SLC7A11: variants seen among roughly 807,000 people sequenced by gnomAD.
SLC7A11 encodes the protein solute carrier family 7 member 11.
SLC7A11 carries 35 observed loss-of-function variants against 54.5 expected under a neutral mutation model. The observed-to-expected ratio is 0.64, with a 90% CI of 0.49 to 0.85. The LOEUF (loss-of-function observed/expected upper bound fraction) is 0.85. Ranked by LOEUF, SLC7A11 falls within the 40% of genes least tolerant of loss-of-function variation. The pLI, the probability that SLC7A11 is intolerant of heterozygous loss-of-function variation, is 0.00. For synonymous variants in SLC7A11, 230 were observed against 225.2 expected, an observed-to-expected ratio of 1.02 and a Z score of -0.19; for missense variants, 583 against 618.1, an observed-to-expected ratio of 0.94 and a Z score of 0.60.
intron 6 of SLC7A11, among the ~76,000 whole-genome samples, chr4:138,187,883 G>A (rs2148417210): frequency 6.6e-6 from 1 of 151,984 alleles, no homozygotes; most frequent in Middle Eastern, 3.4e-3. Flanking sequence ...AGAGAAGGAG[G>A]GAAGGTAACC....
intron 11 of SLC7A11, among the ~76,000 whole-genome samples, chr4:138,174,922 A>T (rs1166434558): frequency 1.3e-5 from 2 of 152,202 alleles, no homozygotes; most frequent in African/African-American, 2.4e-5. Flanking sequence ...CCTGGTACCA[A>T]TATGGGAACT....
chr4:138,195,937 C>T (rs1020720328), intron 6 of SLC7A11, among the ~76,000 whole-genome samples: 1 of 151,916 alleles, frequency 6.6e-6, no homozygotes, highest in African/African-American at 2.4e-5. Flanking sequence ...CTTCTTTGGC[C>T]TCTTTTGTTG....
In SLC7A11 at chr4:138,167,691, T is replaced by G. The variant is rs1736302610; in HGVS notation, c.*4265A>C. The G allele has an allele frequency of 6.6e-6, 1 of 152,208 alleles. No homozygotes were observed. The highest frequency in any genetic ancestry group is 6.5e-5 in the Admixed American group (1 of 15,278). The allele number at this position is 152,208 out of a possible 1,614,324, so 9.4% of individuals were successfully genotyped here. ...ACTATGAGCTTCTTCCCAGTTGTTA[T>G]ACAATGCCATATTTTAATTCCTGAC... On this transcript the variant is annotated 3_prime_UTR_variant, in exon 12 of 12. Coordinates refer to ENST00000280612, the MANE Select transcript of SLC7A11 (RefSeq NM_014331.4).
chr4:138,239,561 C>A (rs1407274039), intron 1 of SLC7A11, among the ~76,000 whole-genome samples: 2 of 152,128 alleles, frequency 1.3e-5, no homozygotes, highest in Non-Finnish European at 2.9e-5. Flanking sequence ...GTGACAAATG[C>A]AATGCAAATA....
chr4:138,220,455 T>TG (rs1029358405), intron 4 of SLC7A11, among the ~76,000 whole-genome samples: 17 of 131,690 alleles, frequency 1.3e-4, no homozygotes, highest in Non-Finnish European at 2.8e-4. Context: ...GAGAATGACA[T>TG]GTTTTTTTTC....
chr4:138,241,937 T>G lies in SLC7A11; in HGVS notation c.133A>C (p.Thr45Pro), dbSNP rs931682205. The G allele has an allele frequency of 1.2e-6, 2 of 1,614,048 alleles. No individual in the cohort carries two copies. Among genetic ancestry groups the G allele is most frequent in the Non-Finnish European group, 1.7e-6 (2 of 1,180,000 alleles). The change falls in exon 1 of 12, where the codon ACT (threonine) becomes CCT (proline). Residue 45 changes from threonine to proline, a missense_variant. Thr to Pro is a conservative substitution (Grantham distance 38, BLOSUM62 -1). Transcript: ENST00000280612. ...ATAATGGAGACTCCCCTCAGTAAAG[T>G]GACTTTCCTCTTCAGCTGCACTTTC... ...QEKVQLKRKV[T>P]LLRGVSIIIG...
At chr4:138,220,796 G>C (rs1402463383) in intron 4 of SLC7A11, among the ~76,000 whole-genome samples, 1 of 152,180 alleles carries the variant, frequency 6.6e-6, no homozygotes, top group Non-Finnish European at 1.5e-5. Flanking sequence ...ATGTGTATGA[G>C]ACACTCTCTC....
chr4:138,222,901 G>A (rs6537262), intron 4 of SLC7A11, among the ~76,000 whole-genome samples: 100,247 of 150,512 alleles, frequency 0.67, 34,050 homozygotes, highest in African/African-American at 0.8. Context: ...TTAAAACTAA[G>A]TGGCAGGTTT....
At chr4:138,237,143 G>A (rs997868517) in intron 1 of SLC7A11, among the ~76,000 whole-genome samples, 8 of 150,898 alleles carry the variant, frequency 5.3e-5, no homozygotes, top group Non-Finnish European at 7.4e-5. Context: ...CCGCCACCAC[G>A]CCTGGCTAAT....
intron 6 of SLC7A11, among the ~76,000 whole-genome samples, chr4:138,207,186 C>T (rs979826359): frequency 2.0e-5 from 3 of 151,866 alleles, no homozygotes; most frequent in Non-Finnish European, 4.4e-5. Flanking sequence ...ATCTTAAAAA[C>T]ATATAACTTG....
chr4:138,195,498 C>T (rs1014895470), intron 6 of SLC7A11, among the ~76,000 whole-genome samples: 1 of 152,098 alleles, frequency 6.6e-6, no homozygotes, highest in African/African-American at 2.4e-5. Flanking sequence ...CTCACGGAAT[C>T]TAAAATTCAA....
intron 3 of SLC7A11, among the ~76,000 whole-genome samples, chr4:138,223,533 T>C (rs756715425): frequency 2.0e-5 from 3 of 152,152 alleles, no homozygotes; most frequent in African/African-American, 4.8e-5. Flanking sequence ...TTTATGCACA[T>C]TGAAGTTTGA....
intron 6 of SLC7A11, among the ~76,000 whole-genome samples, chr4:138,199,757 C>T (rs1737231700): frequency 6.6e-6 from 1 of 152,088 alleles, no homozygotes; most frequent in African/African-American, 2.4e-5. Context: ...TGAAAAGCAC[C>T]TATGTATTCA....
chr4:138,186,568 C>T (rs1736886047), intron 6 of SLC7A11, among the ~76,000 whole-genome samples: 1 of 152,130 alleles, frequency 6.6e-6, no homozygotes, highest in Admixed American at 6.6e-5. Flanking sequence ...TAAATCCTGA[C>T]ATCCTAATAT....
At chr4:138,198,088 TA>T (rs898176498) in intron 6 of SLC7A11, among the ~76,000 whole-genome samples, 20 of 147,636 alleles carry the variant, frequency 1.4e-4, no homozygotes, top group African/African-American at 2.7e-4. Context: ...ATATCAGGTT[TA>T]AAAAAAAAAT....
At chr4:138,179,577 A>G (rs1466104777) in intron 10 of SLC7A11, among the ~76,000 whole-genome samples, 183 bp from the exon 11 acceptor site, 1 of 152,182 alleles carries the variant, frequency 6.6e-6, no homozygotes, top group African/African-American at 2.4e-5. Context: ...AATGTATTAA[A>G]CGTACTCCCT....
intron 1 of SLC7A11, among the ~76,000 whole-genome samples, chr4:138,237,707 ATATATATAT>A (rs1738247024): frequency 5.8e-4 from 2 of 3,460 alleles, no homozygotes; most frequent in African/African-American, 2.0e-3. Flanking sequence ...CAGAATATAT[ATATATATAT>A]ATATATATAT....
Position 138,205,395 on chromosome 4 carries a change from T to C in SLC7A11, c.791+9190A>G, listed in dbSNP as rs192730719. On this transcript the variant is annotated intron_variant, in intron 6 of 11. Transcript: ENST00000280612. ...ATCCAAATTCAAAAGTTGCTCATTT[T>C]CCTGAGTAGATCAATAATCTAAGTC... is the stretch of plus-strand genomic sequence containing the variant. 9.2e-5 allele frequency among the ~76,000 whole-genome samples: 14 copies of C among 152,228 alleles called. No homozygotes were observed. The East Asian group carries it at 2.3e-3, about 25-fold the overall frequency.
chr4:138,233,436 G>A (rs775861386), intron 2 of SLC7A11, among the ~76,000 whole-genome samples: 18 of 151,904 alleles, frequency 1.2e-4, no homozygotes, highest in Non-Finnish European at 1.9e-4. Flanking sequence ...CACCTGCCTC[G>A]GCCTCCCAAA....
Sources: allele counts gnomAD v4.1 joint callset (sites outside exome capture counted in the v4.1 genomes callset), GRCh38; gene constraint gnomAD v4.1.1; transcripts MANE v1.5; gene names NCBI Gene and HGNC (gene_info 2026-07-23, HGNC 2026-07-21).